TBCA: variants seen among roughly 807,000 people sequenced by gnomAD.
TBCA encodes the protein tubulin folding cofactor A.
Under a neutral mutation model 15.8 loss-of-function variants are expected in TBCA, and 6 were observed. The ratio of observed to expected loss-of-function variants is 0.38; its 90% CI spans 0.21 to 0.75. The LOEUF is 0.75. Among genes scored for constraint, TBCA ranks in the 30% least tolerant of loss-of-function variants. TBCA has a pLI of 0.46. For missense variants in TBCA, 90 were observed against 131.2 expected (o/e 0.69, Z 1.53); for synonymous variants, 32 against 42.3 (o/e 0.76, Z 0.94).
intron 1 of TBCA, among the ~76,000 whole-genome samples, chr5:77,738,887 G>T (rs1165903780): frequency 1.3e-5 from 2 of 151,982 alleles, no homozygotes; most frequent in Admixed American, 6.6e-5. Context: ...CTGGCCTCAA[G>T]TCACCAGCTA....
chr5:77,775,826 TC>T (rs1454212910), intron 1 of TBCA, among the ~76,000 whole-genome samples: 1 of 152,042 alleles, frequency 6.6e-6, no homozygotes, highest in African/African-American at 2.4e-5. Flanking sequence ...GGATCCCGCT[TC>T]CCCGGGCCAA....
chr5:77,710,064 C>T (rs560979490), intron 1 of TBCA, among the ~76,000 whole-genome samples: 1 of 152,232 alleles, frequency 6.6e-6, no homozygotes, highest in East Asian at 1.9e-4. Context: ...GGGTAAGAAA[C>T]ATGTTCTAAA....
intron 1 of TBCA, among the ~76,000 whole-genome samples, chr5:77,747,184 T>C (rs767978297): frequency 6.6e-6 from 1 of 151,958 alleles, no homozygotes; most frequent in Non-Finnish European, 1.5e-5. Context: ...TTCAGGAAAA[T>C]AACAAATACT....
chr5:77,703,825 A>C (rs751990656), intron 2 of TBCA, among the ~76,000 whole-genome samples: 2 of 152,150 alleles, frequency 1.3e-5, no homozygotes, highest in African/African-American at 2.4e-5. Flanking sequence ...CTGTGTCCCC[A>C]CACAATCTCA....
At chr5:77,774,458 A>C (rs1004130709) in intron 1 of TBCA, among the ~76,000 whole-genome samples, 1 of 152,096 alleles carries the variant, frequency 6.6e-6, no homozygotes, top group Non-Finnish European at 1.5e-5. Context: ...CATCTGCCTA[A>C]TAAGAACCTT....
intron 2 of TBCA, among the ~76,000 whole-genome samples, chr5:77,706,165 T>C (rs536393378): frequency 3.3e-5 from 5 of 152,332 alleles, no homozygotes; most frequent in East Asian, 1.9e-4. Context: ...TGATTACCAA[T>C]TATGCCACGA....
chr5:77,695,842 A>G (rs937112467), intron 2 of TBCA, among the ~76,000 whole-genome samples: 2 of 152,198 alleles, frequency 1.3e-5, no homozygotes, highest in Non-Finnish European at 2.9e-5. Flanking sequence ...AGGAACAAAC[A>G]CAACAGGATG....
intron 1 of TBCA, among the ~76,000 whole-genome samples, chr5:77,761,397 C>T (rs1040590288): frequency 3.3e-5 from 5 of 152,052 alleles, no homozygotes; most frequent in Non-Finnish European, 7.4e-5. Flanking sequence ...GGATTAAGGG[C>T]GGTGCAAGAT....
At chr5:77,760,653 C>A (rs1747598471) in intron 1 of TBCA, among the ~76,000 whole-genome samples, 1 of 152,228 alleles carries the variant, frequency 6.6e-6, no homozygotes, top group Non-Finnish European at 1.5e-5. Context: ...CAGCTCCTGA[C>A]CTCTAGTGAT....
intron 3 of TBCA, chr5:77,692,193 T>C: frequency 2.0e-6 from 2 of 985,152 alleles, no homozygotes; most frequent in South Asian, 9.4e-5. Context: ...TAGCAATTTA[T>C]GTCAGGTCAA....
intron 1 of TBCA, among the ~76,000 whole-genome samples, chr5:77,732,965 T>A (rs951239187): frequency 1.3e-5 from 2 of 152,134 alleles, no homozygotes; most frequent in Non-Finnish European, 2.9e-5. Flanking sequence ...AAGAATCACA[T>A]GTCTCTAACT....
chr5:77,694,386 A>T (rs553814382), intron 2 of TBCA: 19 of 152,320 alleles, frequency 1.2e-4, no homozygotes, highest in African/African-American at 4.1e-4. Flanking sequence ...ACACAGAAAT[A>T]TGTATTCTAG....
At chr5:77,700,577 TG>T (rs1745989316) in intron 2 of TBCA, among the ~76,000 whole-genome samples, 1 of 152,232 alleles carries the variant, frequency 6.6e-6, no homozygotes, top group Non-Finnish European at 1.5e-5. Context: ...CACTGAATGC[TG>T]GTGAAGATGT....
chr5:77,719,570 A>C (rs1391137868), intron 1 of TBCA, among the ~76,000 whole-genome samples: 1 of 152,240 alleles, frequency 6.6e-6, no homozygotes, highest in Admixed American at 6.5e-5. Flanking sequence ...AACTGGAGAC[A>C]GTTCAAGTTT....
At chr5:77,710,108 A>G (rs1561266714) in intron 1 of TBCA, among the ~76,000 whole-genome samples, 1 of 152,196 alleles carries the variant, frequency 6.6e-6, no homozygotes, top group Non-Finnish European at 1.5e-5. Context: ...AACTCTGTGA[A>G]TCTACTAAAA....
intron 2 of TBCA, among the ~76,000 whole-genome samples, chr5:77,703,144 G>C (rs1170711324): frequency 1.3e-5 from 2 of 152,144 alleles, no homozygotes; most frequent in African/African-American, 4.8e-5. Context: ...TTACATTACT[G>C]TAACTATATG....
At chr5:77,739,480 T>C (rs1746984698) in intron 1 of TBCA, among the ~76,000 whole-genome samples, 1 of 152,124 alleles carries the variant, frequency 6.6e-6, no homozygotes. Flanking sequence ...GTTTGAAATA[T>C]CTTGCTCTAT....
chr5:77,736,495 T>C (rs1176840081), intron 1 of TBCA, among the ~76,000 whole-genome samples: 1 of 152,224 alleles, frequency 6.6e-6, no homozygotes, highest in Non-Finnish European at 1.5e-5. Flanking sequence ...AATTCCAAAC[T>C]TCTAATAAGG....
Position 77,731,619 on chromosome 5 carries a change from G to A in TBCA, c.54-23272C>T, listed in dbSNP as rs201017902. Among the ~76,000 whole-genome samples the A allele has an allele frequency of 4.0e-5, 6 of 151,894 alleles. No individual in the cohort carries two copies. In the South Asian group the frequency reaches 8.3e-4, roughly 21 times the overall value. On this transcript the variant is annotated intron_variant, in intron 1 of 3. Transcript: ENST00000380377. ...TGTGTAAGAGCTCTCTCTATATTCC[G>A]TATCTCTATCTTTTATCTGTTGTAT...
Sources: gnomAD v4.1 joint callset for allele counts (sites outside exome capture counted in the v4.1 genomes callset) on GRCh38, gnomAD v4.1.1 for gene constraint, MANE v1.5 for transcripts, NCBI Gene and HGNC (gene_info 2026-07-23, HGNC 2026-07-21) for gene names.